The following KHDRBS3 variants were observed in gnomAD, a reference collection of about 807,000 sequenced individuals.
KHDRBS3 encodes KH domain-containing, RNA-binding, signal transduction-associated protein 3.
Under a neutral mutation model 45.6 loss-of-function variants are expected in KHDRBS3, and 23 were observed. That is an observed-to-expected ratio of 0.50 (90% CI 0.36 to 0.72). KHDRBS3 has a LOEUF of 0.72. KHDRBS3 is among the 30% of genes least tolerant of loss of function. The pLI, the probability that KHDRBS3 is intolerant of heterozygous loss-of-function variation, is 0.00. For missense variants in KHDRBS3, 352 were observed against 424.8 expected (o/e 0.83, Z 1.51); for synonymous variants, 162 against 156.5 (o/e 1.04, Z -0.26).
At chr8:135,618,489 A>T (rs1485172508) in intron 7 of KHDRBS3, among the ~76,000 whole-genome samples, 2 of 152,228 alleles carry the variant, frequency 1.3e-5, no homozygotes, top group African/African-American at 4.8e-5. Flanking sequence ...ATAAGTCATT[A>T]TATCAATGGT....
intron 1 of KHDRBS3, among the ~76,000 whole-genome samples, chr8:135,516,142 A>G (rs1158828135): frequency 2.0e-5 from 3 of 152,226 alleles, no homozygotes; most frequent in Non-Finnish European, 4.4e-5. Flanking sequence ...TTGTAACACA[A>G]TGGTAAGTAT....
chr8:135,654,077 T>A (rs1338036575), intron 4 of KHDRBS3, among the ~76,000 whole-genome samples: 1 of 152,242 alleles, frequency 6.6e-6, no homozygotes, highest in Non-Finnish European at 1.5e-5. Flanking sequence ...AGCATTTTTT[T>A]AAATTATCAC....
rs1384457489 is a variant in KHDRBS3, at chr8:135,630,812, C to T, written c.891-14247C>T. 2.0e-5 allele frequency among the ~76,000 whole-genome samples: 3 copies of T among 152,206 alleles called. No homozygotes were observed. The South Asian group carries it at 6.2e-4, about 32-fold the overall frequency. The stretch of plus-strand genomic sequence containing the variant: ...TGGTACACCTGTATAAGGCACTTAC[C>T]ATGAATGGAGCTTGAAGGACTGGAA... On this transcript the variant is annotated intron_variant, in intron 7 of 8. Transcript: ENST00000355849.
intron 5 of KHDRBS3, among the ~76,000 whole-genome samples, chr8:135,572,978 G>T (rs976484619): frequency 1.3e-5 from 2 of 152,314 alleles, no homozygotes; most frequent in Admixed American, 1.3e-4. Flanking sequence ...AATGTATTAG[G>T]AATGTTATAG....
rs151311653 is a variant in KHDRBS3 at position 135,513,994 on chromosome 8, A to G, written c.89-7243A>G. Reference sequence around the variant, plus strand: ...ATTTTCATTTGGATTTGGACCTAGAACTGTCTCCTGATATCACACAAAATT... The same window carrying G: ...ATTTTCATTTGGATTTGGACCTAGAGCTGTCTCCTGATATCACACAAAATT... On this transcript the variant is annotated intron_variant, in intron 1 of 8. Transcript: ENST00000355849. Among the ~76,000 whole-genome samples, 10 of 152,228 alleles carry G rather than the reference A, an allele frequency of 6.6e-5. No individual in the cohort carries two copies. In the East Asian group the frequency reaches 1.7e-3, roughly 26 times the overall value.
intron 1 of KHDRBS3, among the ~76,000 whole-genome samples, chr8:135,520,011 A>T (rs1045245144): frequency 1.3e-5 from 2 of 152,232 alleles, no homozygotes; most frequent in Non-Finnish European, 2.9e-5. Flanking sequence ...CTGCACAGGC[A>T]CCTTGTCTTT....
chr8:135,618,452 A>G (rs1054527654), intron 7 of KHDRBS3, among the ~76,000 whole-genome samples: 2 of 152,238 alleles, frequency 1.3e-5, no homozygotes, highest in African/African-American at 2.4e-5. Flanking sequence ...TACATTAATA[A>G]TTGATATAAA....
intron 1 of KHDRBS3, among the ~76,000 whole-genome samples, chr8:135,471,856 G>T (rs1244736019): frequency 6.6e-6 from 1 of 152,224 alleles, no homozygotes; most frequent in African/African-American, 2.4e-5. Context: ...CTCTGTGCAT[G>T]CAACATTGCA....
chr8:135,461,097 A>ATATT (rs1287809621), intron 1 of KHDRBS3, among the ~76,000 whole-genome samples: 2 of 151,918 alleles, frequency 1.3e-5, no homozygotes, highest in African/African-American at 4.8e-5. Context: ...TGTTTCCCGA[A>ATATT]TATTTATTTA....
chr8:135,506,107 A>G (rs551736122), intron 1 of KHDRBS3, among the ~76,000 whole-genome samples: 2 of 152,282 alleles, frequency 1.3e-5, no homozygotes, highest in East Asian at 3.9e-4. Flanking sequence ...GATGACTTCC[A>G]CTTTTGTTAA....
chr8:135,612,312 A>G (rs931781896), intron 7 of KHDRBS3, among the ~76,000 whole-genome samples: 2 of 152,066 alleles, frequency 1.3e-5, no homozygotes, highest in East Asian at 1.9e-4. Context: ...TTCTGCTTCA[A>G]TATGCACTAG....
At chr8:135,537,563 C>T (rs1825842168) in intron 2 of KHDRBS3, among the ~76,000 whole-genome samples, 1 of 152,190 alleles carries the variant, frequency 6.6e-6, no homozygotes, top group South Asian at 2.1e-4. Context: ...TTCATAATCA[C>T]TTGAAAACCA....
At chr8:135,633,785 C>A (rs1830701084) in intron 7 of KHDRBS3, among the ~76,000 whole-genome samples, 1 of 152,128 alleles carries the variant, frequency 6.6e-6, no homozygotes, top group African/African-American at 2.4e-5. Context: ...CCCACAGGCA[C>A]CCTGCCTCTA....
downstream of KHDRBS3, chr8:135,648,689 C>G (rs1350275461): frequency 3.3e-5 from 5 of 152,188 alleles, no homozygotes; most frequent in South Asian, 1.0e-3. Flanking sequence ...AAAATTTCCC[C>G]TGCTGGTTTC....
At chr8:135,473,633 G>A (rs894311321) in intron 1 of KHDRBS3, among the ~76,000 whole-genome samples, 1 of 152,164 alleles carries the variant, frequency 6.6e-6, no homozygotes, top group South Asian at 2.1e-4. Flanking sequence ...AGGCTCACTT[G>A]TCTGCTTCAG....
At chr8:135,507,649 T>C (rs1824074564) in intron 1 of KHDRBS3, among the ~76,000 whole-genome samples, 1 of 152,222 alleles carries the variant, frequency 6.6e-6, no homozygotes, top group African/African-American at 2.4e-5. Flanking sequence ...CCAGTGGGAA[T>C]GTCCTCTGTG....
intron 2 of KHDRBS3, among the ~76,000 whole-genome samples, chr8:135,528,217 G>T: frequency 6.6e-6 from 1 of 152,128 alleles, no homozygotes; most frequent in East Asian, 1.9e-4. Flanking sequence ...TGATATATTT[G>T]TTCTCTTCAT....
chr8:135,472,484 CA>C (rs1822065260), intron 1 of KHDRBS3, among the ~76,000 whole-genome samples: 3 of 151,830 alleles, frequency 2.0e-5, no homozygotes, highest in Middle Eastern at 3.4e-3. Context: ...ATGCAAAAGA[CA>C]AACTGTGTTT....
chr8:135,618,935 C>T (rs1830027191), intron 7 of KHDRBS3, among the ~76,000 whole-genome samples: 1 of 152,166 alleles, frequency 6.6e-6, no homozygotes, highest in African/African-American at 2.4e-5. Flanking sequence ...GTAAGTAGTA[C>T]TGACTGTGGA....
Sources: gnomAD v4.1 joint callset for allele counts (sites outside exome capture counted in the v4.1 genomes callset) on GRCh38, gnomAD v4.1.1 for gene constraint, MANE v1.5 for transcripts, NCBI Gene and HGNC (gene_info 2026-07-23, HGNC 2026-07-21) for gene names.